The following EXOC4 variants were observed in gnomAD, a reference collection of about 807,000 sequenced individuals.
EXOC4 encodes exocyst complex component 4, also known as SEC8-like 1.
A neutral mutation model predicts 107.2 loss-of-function variants in EXOC4; 71 were observed. The ratio of observed to expected loss-of-function variants is 0.66; its 90% CI spans 0.55 to 0.81. EXOC4 has a LOEUF of 0.81. Among genes scored for constraint, EXOC4 ranks in the 30% least tolerant of loss-of-function variants. The pLI is 0.00. For missense variants in EXOC4, 1,108 were observed against 1,189.6 expected (o/e 0.93, Z 1.01); for synonymous variants, 456 against 441.2 (o/e 1.03, Z -0.42).
At chr7:133,857,532 G>T (rs1230625400) in intron 11 of EXOC4, among the ~76,000 whole-genome samples, 2 of 148,752 alleles carry the variant, frequency 1.3e-5, no homozygotes, top group African/African-American at 2.5e-5. Context: ...GTGCTGCTCG[G>T]CTCATGCTAC....
At chr7:133,638,423 A>G (rs1486386708) in intron 10 of EXOC4, among the ~76,000 whole-genome samples, 2 of 152,084 alleles carry the variant, frequency 1.3e-5, no homozygotes, top group Non-Finnish European at 1.5e-5. Context: ...GTTTCTTCCA[A>G]TCTTGCTCAT....
At chr7:133,913,582 C>A (rs1037319776) in intron 12 of EXOC4, among the ~76,000 whole-genome samples, 3 of 152,056 alleles carry the variant, frequency 2.0e-5, no homozygotes, top group Admixed American at 2.0e-4. Context: ...ACTCTGCATT[C>A]CTGAGTTGAA....
At chr7:133,749,715 A>G (rs1032400902) in intron 10 of EXOC4, among the ~76,000 whole-genome samples, 2 of 152,120 alleles carry the variant, frequency 1.3e-5, no homozygotes, top group African/African-American at 2.4e-5. Flanking sequence ...TGTTCAATCT[A>G]TGTCATAAGT....
chr7:133,745,710 CTTT>C (rs766551871), intron 10 of EXOC4, among the ~76,000 whole-genome samples: 9 of 126,482 alleles, frequency 7.1e-5, no homozygotes, highest in African/African-American at 2.4e-4. Flanking sequence ...TCCTGTTACT[CTTT>C]TTTTTTTTTT....
chr7:133,469,932 C>A (rs1016239662), intron 7 of EXOC4, among the ~76,000 whole-genome samples: 2 of 152,178 alleles, frequency 1.3e-5, no homozygotes, highest in African/African-American at 4.8e-5. Context: ...TATTCCCCAA[C>A]ACATTCCTGA....
intron 14 of EXOC4, among the ~76,000 whole-genome samples, chr7:133,945,413 G>A (rs900732518): frequency 4.6e-5 from 7 of 152,138 alleles, no homozygotes; most frequent in Admixed American, 2.0e-4. Flanking sequence ...TGAGATTAAC[G>A]TGATTTCCCA....
chr7:133,487,090 T>G (rs936103102), intron 9 of EXOC4, among the ~76,000 whole-genome samples: 19 of 152,206 alleles, frequency 1.2e-4, no homozygotes, highest in Non-Finnish European at 2.2e-4. Flanking sequence ...CCATGCAGTA[T>G]TTTGTCTAGC....
intron 6 of EXOC4, among the ~76,000 whole-genome samples, chr7:133,372,959 C>T (rs747625371): frequency 1.3e-5 from 2 of 152,070 alleles, no homozygotes; most frequent in African/African-American, 4.8e-5. Flanking sequence ...ATAAATTTAC[C>T]TTTGTGAAGA....
rs1193252562 is a variant in EXOC4, at chr7:133,951,981, C to A, written c.2206+13912C>A. ...TACTAGCCTGGCCAACATGGTGAAA[C>A]CCCATCTCTACTAAAAATACAAAAA... On this transcript the variant is annotated intron_variant, in intron 14 of 17. Coordinates refer to ENST00000253861, the MANE Select transcript of EXOC4 (RefSeq NM_021807.4). Among the ~76,000 whole-genome samples the A allele has an allele frequency of 3.3e-5, 5 of 152,260 alleles. No individual in the cohort carries two copies. The South Asian group carries it at 1.0e-3, about 32-fold the overall frequency.
intron 9 of EXOC4, among the ~76,000 whole-genome samples, chr7:133,507,363 C>T (rs989267992): frequency 3.9e-5 from 6 of 152,132 alleles, no homozygotes; most frequent in Non-Finnish European, 7.4e-5. Context: ...TGCTTTTCTT[C>T]TTAAAATTCA....
chr7:133,316,940 A>G (rs956068531), intron 4 of EXOC4, among the ~76,000 whole-genome samples: 5 of 152,240 alleles, frequency 3.3e-5, no homozygotes, highest in African/African-American at 1.2e-4. Flanking sequence ...ATACAGATAC[A>G]AAGGAGGACA....
At chr7:133,875,151 A>G (rs1798822510) in intron 11 of EXOC4, among the ~76,000 whole-genome samples, 1 of 152,182 alleles carries the variant, frequency 6.6e-6, no homozygotes, top group Non-Finnish European at 1.5e-5. Flanking sequence ...TTCTAGTGTT[A>G]TACTTGTTCC....
intron 17 of EXOC4, among the ~76,000 whole-genome samples, chr7:134,030,818 G>T (rs1370681392): frequency 6.6e-6 from 1 of 151,758 alleles, no homozygotes; most frequent in East Asian, 1.9e-4. Context: ...TTGCTGTCAG[G>T]CTCCCAATAA....
intron 10 of EXOC4, among the ~76,000 whole-genome samples, chr7:133,701,500 C>G (rs1347855763): frequency 6.6e-6 from 1 of 152,118 alleles, no homozygotes; most frequent in Non-Finnish European, 1.5e-5. Flanking sequence ...GAAAGACATT[C>G]CAGGGCCTCC....
At chr7:134,080,996 T>C in the EXOC4 span, among the ~76,000 whole-genome samples, 7 of 151,978 alleles carry the variant, frequency 4.6e-5, no homozygotes, top group Non-Finnish European at 1.0e-4. Context: ...CTCCTTTAGG[T>C]CTCTGCTTTA....
At chr7:133,864,657 T>C (rs983779691) in intron 11 of EXOC4, among the ~76,000 whole-genome samples, 2 of 152,202 alleles carry the variant, frequency 1.3e-5, no homozygotes, top group Non-Finnish European at 2.9e-5. Flanking sequence ...CTATAGATAA[T>C]TATGGAACAA....
chr7:133,659,077 T>C (rs143348015), intron 10 of EXOC4, among the ~76,000 whole-genome samples: 142 of 129,744 alleles, frequency 1.1e-3, no homozygotes, highest in African/African-American at 4.0e-3. Context: ...AAGACAGAAG[T>C]AGCTGTGGTA....
intron 7 of EXOC4, among the ~76,000 whole-genome samples, chr7:133,462,450 G>A (rs1798617528): frequency 6.6e-6 from 1 of 152,146 alleles, no homozygotes; most frequent in Non-Finnish European, 1.5e-5. Context: ...AAAGACCAAT[G>A]CAAAAAGAAC....
intron 11 of EXOC4, among the ~76,000 whole-genome samples, chr7:133,830,118 T>C (rs1229428533): frequency 6.6e-6 from 1 of 152,180 alleles, no homozygotes; most frequent in Admixed American, 6.5e-5. Flanking sequence ...TGAGAGCTAT[T>C]CTCTACCTCT....
Sources: gnomAD v4.1 joint callset for allele counts (sites outside exome capture counted in the v4.1 genomes callset) on GRCh38, gnomAD v4.1.1 for gene constraint, MANE v1.5 for transcripts, NCBI Gene and HGNC (gene_info 2026-07-23, HGNC 2026-07-21) for gene names.